DIAPH3: variants seen among roughly 807,000 people sequenced by gnomAD.
DIAPH3 encodes diaphanous related formin 3.
A neutral mutation model predicts 144.3 loss-of-function variants in DIAPH3; 117 were observed. The ratio of observed to expected loss-of-function variants is 0.81; its 90% CI spans 0.70 to 0.95. The LOEUF is 0.95. DIAPH3 is among the 40% of genes least tolerant of loss of function. The pLI, the probability that DIAPH3 is intolerant of heterozygous loss-of-function variation, is 0.00. For missense variants in DIAPH3, 1,421 were observed against 1,412.7 expected (o/e 1.01, Z -0.09); for synonymous variants, 519 against 488.9 (o/e 1.06, Z -0.81).
intron 25 of DIAPH3, among the ~76,000 whole-genome samples, chr13:59,786,013 G>A (rs1314342566): frequency 6.6e-6 from 1 of 152,042 alleles, no homozygotes; most frequent in East Asian, 1.9e-4. Flanking sequence ...TAGTTGCTCT[G>A]GATAAAACAT....
chr13:60,084,685 C>A (rs1287181909), intron 4 of DIAPH3, among the ~76,000 whole-genome samples: 1 of 152,074 alleles, frequency 6.6e-6, no homozygotes, highest in Non-Finnish European at 1.5e-5. Flanking sequence ...TACTGTTGGA[C>A]TATTTGGTTT....
chr13:59,815,435 T>C (rs1187430119), intron 24 of DIAPH3, among the ~76,000 whole-genome samples: 1 of 152,210 alleles, frequency 6.6e-6, no homozygotes, highest in Non-Finnish European at 1.5e-5. Context: ...TTGAGTCTTC[T>C]GTGAACAGCA....
intron 27 of DIAPH3, among the ~76,000 whole-genome samples, chr13:59,720,136 T>C (rs1285326181): frequency 6.6e-6 from 1 of 152,128 alleles, no homozygotes; most frequent in Non-Finnish European, 1.5e-5. Flanking sequence ...AACACGATTG[T>C]AAATATTTGT....
chr13:59,873,476 C>T (rs1026722303), intron 21 of DIAPH3, among the ~76,000 whole-genome samples: 1 of 152,108 alleles, frequency 6.6e-6, no homozygotes, highest in Non-Finnish European at 1.5e-5. Context: ...TATCCTGTCT[C>T]ATGCTTTTGT....
intron 5 of DIAPH3, among the ~76,000 whole-genome samples, chr13:60,027,478 C>T (rs1269304733): frequency 6.6e-6 from 1 of 152,006 alleles, no homozygotes; most frequent in Non-Finnish European, 1.5e-5. Context: ...TTCTTTTTGG[C>T]TATAACATAC....
intron 12 of DIAPH3, among the ~76,000 whole-genome samples, chr13:59,985,842 G>A (rs1397275623): frequency 1.2e-5 from 1 of 82,946 alleles, no homozygotes; most frequent in African/African-American, 4.9e-5. Flanking sequence ...ACAACTGGAA[G>A]AACATTCCAT....
intron 27 of DIAPH3, among the ~76,000 whole-genome samples, chr13:59,709,937 C>A (rs1458521771): frequency 1.3e-5 from 2 of 152,024 alleles, no homozygotes; most frequent in Non-Finnish European, 2.9e-5. Flanking sequence ...GAGTTCATGT[C>A]CTTTGTAGGG....
chr13:59,698,766 A>G (rs932121937), intron 27 of DIAPH3, among the ~76,000 whole-genome samples: 9 of 152,188 alleles, frequency 5.9e-5, no homozygotes, highest in Non-Finnish European at 1.2e-4. Flanking sequence ...AGTAACACAA[A>G]TACTGGATGG....
chr13:59,796,263 C>T (rs2039595188), intron 25 of DIAPH3, among the ~76,000 whole-genome samples: 1 of 152,158 alleles, frequency 6.6e-6, no homozygotes, highest in Non-Finnish European at 1.5e-5. Context: ...AAATTGATCT[C>T]AGAACCTCGA....
chr13:59,978,375 A>G (rs2050792192), intron 14 of DIAPH3, among the ~76,000 whole-genome samples: 1 of 151,710 alleles, frequency 6.6e-6, no homozygotes, highest in Admixed American at 6.6e-5. Flanking sequence ...AGCAAGAAAA[A>G]AAATTACGTT....
chr13:60,066,690 C>T (rs938809723), intron 4 of DIAPH3, among the ~76,000 whole-genome samples: 1 of 152,196 alleles, frequency 6.6e-6, no homozygotes, highest in African/African-American at 2.4e-5. Flanking sequence ...TTAAAAATTA[C>T]ATAATCCCTG....
intron 27 of DIAPH3, among the ~76,000 whole-genome samples, chr13:59,764,284 T>C (rs2037763920): frequency 6.6e-6 from 1 of 151,628 alleles, no homozygotes; most frequent in African/African-American, 2.4e-5. Flanking sequence ...AGCATAATGG[T>C]TAAAATTCTG....
At chr13:60,005,158 C>A (rs542664120) in intron 9 of DIAPH3, among the ~76,000 whole-genome samples, 3 of 152,274 alleles carry the variant, frequency 2.0e-5, no homozygotes, top group Admixed American at 1.3e-4. Flanking sequence ...ACACTCATGA[C>A]AGACGATTAT....
chr13:59,821,634 T>C (rs1490995855), intron 24 of DIAPH3, among the ~76,000 whole-genome samples: 1 of 152,158 alleles, frequency 6.6e-6, no homozygotes, highest in African/African-American at 2.4e-5. Flanking sequence ...AAAAACAAAC[T>C]TATTATAGCT....
chr13:59,931,938 C>T lies in DIAPH3; in HGVS notation c.2075-7068G>A, dbSNP rs144402536. Among the ~76,000 whole-genome samples the T allele has an allele frequency of 5.0e-4, 76 of 152,206 alleles. 1 individual carries two copies. Among genetic ancestry groups the T allele is most frequent in the Non-Finnish European group, 8.8e-4 (60 of 67,998 alleles). On this transcript the variant is annotated intron_variant, in intron 17 of 27. Coordinates refer to ENST00000400324, the MANE Select transcript of DIAPH3 (RefSeq NM_001042517.2). ...GGGAATGATGATACAGGTATCAATC[C>T]TAGTAACTACTCCACTAACTGTCAC...
intron 1 of DIAPH3, among the ~76,000 whole-genome samples, chr13:60,135,400 CA>C (rs980733435): frequency 6.6e-6 from 1 of 151,912 alleles, no homozygotes; most frequent in Non-Finnish European, 1.5e-5. Context: ...TTATATTTCC[CA>C]AAGAACATGT....
intron 17 of DIAPH3, among the ~76,000 whole-genome samples, chr13:59,950,236 C>T (rs552807060): frequency 3.3e-5 from 5 of 152,290 alleles, no homozygotes; most frequent in Non-Finnish European, 5.9e-5. Flanking sequence ...GGTTCATCTT[C>T]CAGTGACATT....
In DIAPH3 at chr13:60,133,901, C is replaced by T. The variant is rs914210286; in HGVS notation, c.181-912G>A. On this transcript the variant is annotated intron_variant, in intron 1 of 27. Transcript: ENST00000400324. ...AACAAGGTCTACTCTTTTATAAGGA[C>T]AGATGTTAATAACCATTATCTAACA... is the stretch of plus-strand genomic sequence containing the variant. Among the ~76,000 whole-genome samples, 4 of 152,112 alleles carry T rather than the reference C, an allele frequency of 2.6e-5. No individual in the cohort carries two copies. In the East Asian group the frequency reaches 5.8e-4, roughly 22 times the overall value.
At chr13:59,881,699 GAT>G (rs2045060031) in intron 20 of DIAPH3, among the ~76,000 whole-genome samples, 1 of 152,036 alleles carries the variant, frequency 6.6e-6, no homozygotes, top group African/African-American at 2.4e-5. Flanking sequence ...ACCTTGAAAA[GAT>G]AGAGTAAGTC....
Sources: gnomAD v4.1 joint callset for allele counts (sites outside exome capture counted in the v4.1 genomes callset) on GRCh38, gnomAD v4.1.1 for gene constraint, MANE v1.5 for transcripts, NCBI Gene and HGNC (gene_info 2026-07-23, HGNC 2026-07-21) for gene names.